Variants in RCAN1 observed in about 807,000 individuals in gnomAD.
The protein encoded by RCAN1 is calcipressin-1.
RCAN1 carries 11 observed loss-of-function variants against 22.9 expected under a neutral mutation model. The ratio of observed to expected loss-of-function variants is 0.48; its 90% CI spans 0.30 to 0.79. The LOEUF (loss-of-function observed/expected upper bound fraction) is 0.79. Ranked by LOEUF, RCAN1 falls within the 30% of genes least tolerant of loss-of-function variation. The pLI, the probability that RCAN1 is intolerant of heterozygous loss-of-function variation, is 0.06. For missense variants in RCAN1, 291 were observed against 337.8 expected (o/e 0.86, Z 1.09); for synonymous variants, 136 against 142.3 (o/e 0.96, Z 0.32).
intron 3 of RCAN1, among the ~76,000 whole-genome samples, chr21:34,520,390 G>T (rs1356468264): frequency 6.6e-6 from 1 of 151,988 alleles, no homozygotes; most frequent in Admixed American, 6.6e-5. Context: ...AGCTGCTGTG[G>T]GGGGAGCACA....
At chr21:34,525,694 G>C (rs1267492425) in intron 1 of RCAN1, 4 of 218,704 alleles carry the variant, frequency 1.8e-5, no homozygotes, top group Non-Finnish European at 8.9e-6. Context: ...AATCTTATTT[G>C]TTCTAATAAC....
Position 34,614,382 on chromosome 21 carries a change from C to T in RCAN1, c.252+378G>A, listed in dbSNP as rs1601231961. On this transcript the variant is annotated intron_variant, in intron 1 of 3. Transcript: ENST00000313806. The surrounding 1 kb of genome is among the most constrained non-coding windows in gnomAD (Gnocchi z 6.0). ...GCCGCTCAATGTCTGTTTCCTCCTC[C>T]CTAGGAATGAGGTGACCCCCTCCTC... 1 of 993,956 alleles carries T rather than the reference C, an allele frequency of 1.0e-6. No individual in the cohort carries two copies. The highest frequency in any genetic ancestry group is 1.1e-4 in the East Asian group (1 of 9,236). 61.6% of individuals were successfully genotyped at this position (993,956 alleles called of 1,614,324 possible). A position where few individuals can be genotyped will look rare whatever the true frequency, so the allele number is the denominator to read the frequency against.
chr21:34,528,077 T>A (rs1250421340), intron 1 of RCAN1, among the ~76,000 whole-genome samples: 1 of 152,198 alleles, frequency 6.6e-6, no homozygotes, highest in Non-Finnish European at 1.5e-5. Flanking sequence ...TCTCCAATTT[T>A]ATTATCACCT....
intron 1 of RCAN1, among the ~76,000 whole-genome samples, chr21:34,613,256 A>G (rs1040417087): frequency 3.3e-5 from 5 of 152,118 alleles, no homozygotes; most frequent in African/African-American, 1.2e-4. Context: ...CCTGCCCTCC[A>G]AGTCTTATTT....
intron 1 of RCAN1, among the ~76,000 whole-genome samples, chr21:34,579,344 A>G (rs1601194727): frequency 6.6e-6 from 1 of 152,176 alleles, no homozygotes; most frequent in Non-Finnish European, 1.5e-5. Flanking sequence ...CAGAGGCTGC[A>G]GTGAGCTGAG....
chr21:34,562,953 G>T (rs1157758107), intron 1 of RCAN1, among the ~76,000 whole-genome samples: 1 of 152,166 alleles, frequency 6.6e-6, no homozygotes, highest in Non-Finnish European at 1.5e-5. Context: ...TTATTAAGTT[G>T]CCTATTTTGT....
At chr21:34,586,289 C>T (rs9983381) in intron 1 of RCAN1, among the ~76,000 whole-genome samples, 25,980 of 151,744 alleles carry the variant, frequency 0.17, 2,691 homozygotes, top group South Asian at 0.25. Flanking sequence ...TTATCAAAAC[C>T]GACTTACTGT....
At chr21:34,611,068 C>T (rs1988675424) in intron 1 of RCAN1, among the ~76,000 whole-genome samples, 1 of 152,092 alleles carries the variant, frequency 6.6e-6, no homozygotes, top group Non-Finnish European at 1.5e-5. Context: ...ATATTCACTG[C>T]TTGGAAATGA....
chr21:34,526,568 A>G, intron 1 of RCAN1: 1 of 1,294,356 alleles, frequency 7.7e-7, no homozygotes, highest in African/African-American at 1.5e-5. Flanking sequence ...CCAAACCCAC[A>G]AGAGAGCCAC....
At chr21:34,607,841 G>A (rs1988577020) in intron 1 of RCAN1, among the ~76,000 whole-genome samples, 1 of 152,170 alleles carries the variant, frequency 6.6e-6, no homozygotes, top group Non-Finnish European at 1.5e-5. Flanking sequence ...TTAGGAAGCG[G>A]GCCACACAGC....
chr21:34,584,868 A>G (rs1987736759), intron 1 of RCAN1, among the ~76,000 whole-genome samples: 1 of 152,168 alleles, frequency 6.6e-6, no homozygotes, highest in Non-Finnish European at 1.5e-5. Flanking sequence ...TTAAATATAC[A>G]CTAACCACCC....
intron 1 of RCAN1, among the ~76,000 whole-genome samples, chr21:34,587,761 A>G (rs184131033): frequency 1.8e-3 from 281 of 152,354 alleles, no homozygotes; most frequent in South Asian, 4.6e-3. Context: ...GGTTAATTTT[A>G]TGTGTGAACT....
chr21:34,559,111 C>T (rs1489522226), intron 1 of RCAN1: 1 of 152,118 alleles, frequency 6.6e-6, no homozygotes, highest in Non-Finnish European at 1.5e-5. Context: ...CCACTAGGGC[C>T]ACTGGAAATT....
chr21:34,557,670 A>G (rs1986631676), intron 1 of RCAN1, among the ~76,000 whole-genome samples: 1 of 152,246 alleles, frequency 6.6e-6, no homozygotes, highest in Admixed American at 6.5e-5. Flanking sequence ...ACATCAACAC[A>G]ACTTTCTCAT....
At chr21:34,555,579 A>AAAAT (rs1555860829) in intron 1 of RCAN1, among the ~76,000 whole-genome samples, 262 of 150,800 alleles carry the variant, frequency 1.7e-3, no homozygotes, top group African/African-American at 5.8e-3. Context: ...CTCAAAAAAA[A>AAAAT]AAATAAATAA....
intron 1 of RCAN1, among the ~76,000 whole-genome samples, chr21:34,546,583 G>A (rs1986149793): frequency 6.6e-6 from 1 of 152,122 alleles, no homozygotes; most frequent in South Asian, 2.1e-4. Flanking sequence ...AATCGCTGTC[G>A]CTTAAAAGCA....
intron 1 of RCAN1, among the ~76,000 whole-genome samples, chr21:34,593,202 G>C (rs1263124339): frequency 2.6e-5 from 4 of 152,172 alleles, no homozygotes; most frequent in African/African-American, 9.7e-5. Context: ...GGAAAAACCT[G>C]ATCACAGAGG....
intron 1 of RCAN1, among the ~76,000 whole-genome samples, chr21:34,549,524 G>T (rs1986280999): frequency 6.6e-6 from 1 of 152,130 alleles, no homozygotes; most frequent in South Asian, 2.1e-4. Flanking sequence ...GGGAAACTTA[G>T]AAAAGTAGTA....
At chr21:34,609,954 C>A (rs1402507877) in intron 1 of RCAN1, among the ~76,000 whole-genome samples, 11 of 152,190 alleles carry the variant, frequency 7.2e-5, no homozygotes. Context: ...AAATTAAACT[C>A]TATACCATAT....
Sources: gnomAD v4.1 joint callset for allele counts (sites outside exome capture counted in the v4.1 genomes callset) on GRCh38, gnomAD v4.1.1 for gene constraint, Gnocchi (gnomAD v3.1) non-coding constraint, MANE v1.5 for transcripts, NCBI Gene and HGNC (gene_info 2026-07-23, HGNC 2026-07-21) for gene names.